CCDC150: variants seen among roughly 807,000 people sequenced by gnomAD.
CCDC150 encodes coiled-coil domain-containing protein 150.
In CCDC150, 151 loss-of-function variants were observed where a neutral mutation model predicts 156.5. That is an observed-to-expected ratio of 0.97 (90% CI 0.85 to 1.10). CCDC150 has a LOEUF of 1.10. Among genes scored for constraint, CCDC150 ranks in the 50% least tolerant of loss-of-function variants. CCDC150 has a pLI of 0.00. For synonymous variants in CCDC150, 452 were observed against 429.4 expected (o/e 1.05, Z -0.65); for missense variants, 1,312 against 1,268.1 (o/e 1.03, Z -0.53).
At chr2:196,691,998 T>C (rs1695509984) in intron 13 of CCDC150, among the ~76,000 whole-genome samples, 1 of 152,188 alleles carries the variant, frequency 6.6e-6, no homozygotes, top group Non-Finnish European at 1.5e-5. Flanking sequence ...TTTTTGTGTC[T>C]CTATCTCCTT....
chr2:196,658,045 G>C (rs1222997477), intron 4 of CCDC150, among the ~76,000 whole-genome samples: 1 of 152,174 alleles, frequency 6.6e-6, no homozygotes, highest in Admixed American at 6.5e-5. Flanking sequence ...AGTTGGGGTT[G>C]ATCCTGTGGG....
rs760033728 is a variant in CCDC150, at chr2:196,730,119, G to T, written c.2982+1G>T. ...GCAGGAGCTAGAGAATCGGTGCCAG[G>T]TAAAAGGTTTCCTAAGATTCATCTT... On this transcript the variant is annotated splice_donor_variant, in intron 25 of 27. Transcript: ENST00000389175. LOFTEE classifies it high-confidence loss of function. 6 of 1,594,164 alleles carry T rather than the reference G, an allele frequency of 3.8e-6. No homozygotes were observed. The highest frequency in any genetic ancestry group is 1.4e-5 in the African/African-American group (1 of 73,962).
At chr2:196,657,572 T>A in intron 4 of CCDC150, 1 of 171,796 alleles carries the variant, frequency 5.8e-6, no homozygotes, top group Non-Finnish European at 1.3e-5. Flanking sequence ...GTGAGGATGC[T>A]CTATCTAGAA....
chr2:196,702,388 T>C (rs1255442675), intron 15 of CCDC150, among the ~76,000 whole-genome samples: 1 of 130,528 alleles, frequency 7.7e-6, no homozygotes, highest in Non-Finnish European at 1.7e-5. Context: ...AGATGAGGTC[T>C]CACTCTCTCA....
In CCDC150 at chr2:196,729,853, T is replaced by C. The variant is rs1395245506; in HGVS notation, c.2812T>C (p.Tyr938His). The change falls in exon 24 of 28, where the codon TAT (tyrosine) becomes CAT (histidine). Residue 938 changes from tyrosine to histidine, a missense_variant. Transcript: ENST00000389175. ...LIKDQYQKKN[Y>H]EQSLSIQRFV... is the part of the protein sequence containing the mutation. ...TAAGGATCAATATCAGAAAAAGAAC[T>C]ATGAACAGGTAGATGATTTCCATAT... 2 of 1,601,872 alleles carry C rather than the reference T, an allele frequency of 1.2e-6. No homozygotes were observed. The highest frequency in any genetic ancestry group is 2.2e-5 in the East Asian group (1 of 44,822).
intron 9 of CCDC150, among the ~76,000 whole-genome samples, 169 bp downstream of exon 9, chr2:196,672,606 G>T (rs982051547): frequency 6.6e-6 from 1 of 151,820 alleles, no homozygotes; most frequent in Non-Finnish European, 1.5e-5. Context: ...AATTAACTAC[G>T]TTTCTCATTT....
At chr2:196,664,128 C>A (rs1693710332) in intron 5 of CCDC150, among the ~76,000 whole-genome samples, 1 of 152,124 alleles carries the variant, frequency 6.6e-6, no homozygotes, top group African/African-American at 2.4e-5. Flanking sequence ...ACATACCTCG[C>A]AGCAGAACAC....
In CCDC150 at chr2:196,729,386, A is replaced by T. The variant is rs1349171460; in HGVS notation, c.2750A>T (p.Lys917Met). The part of the protein sequence containing the change: ...ANNAQNIERM[K>M]QIEKELKQME... ...AATGCTCAGAATATAGAAAGGATGA[A>T]GGTTGTATGGGAAACCTCTTCTCAC... is the stretch of plus-strand genomic sequence containing the variant. Residue 917 changes from lysine to methionine, a missense_variant and splice_region_variant, in exon 23 of 28, where the codon AAG (lysine) becomes ATG (methionine). Transcript: ENST00000389175. 1.2e-6 allele frequency: 2 copies of T among 1,613,688 alleles called. No homozygotes were observed. The highest frequency in any genetic ancestry group is 2.2e-5 in the South Asian group (2 of 91,044).
At chr2:196,729,127 C>T in intron 22 of CCDC150, 66 bp from the exon 23 acceptor site, 1 of 1,376,460 alleles carries the variant, frequency 7.3e-7, no homozygotes, top group Non-Finnish European at 9.8e-7. Flanking sequence ...AATATAAGGA[C>T]AAAACTAAGT....
chr2:196,732,562 A>G lies in CCDC150; in HGVS notation c.3306A>G (p.Ter1102TrpextTer3). The G allele has an allele frequency of 1.3e-6, 2 of 1,595,446 alleles. No individual in the cohort carries two copies. The highest frequency in any genetic ancestry group is 2.2e-5 in the South Asian group (2 of 90,744). The change falls in exon 28 of 28, where the codon TGA becomes TGG. Residue 1102 changes from the stop codon to tryptophan, a stop_lost. Coordinates refer to ENST00000389175, the MANE Select transcript of CCDC150 (RefSeq NM_001080539.2). ...ATCATTCTGAGGTACAGAGGAAGTG[A>G]TGTCCTTGACAAGGGAGCTTCTTTA... Reference protein sequence around the residue: ...KKYHSEVQRK* With the variant: ...KKYHSEVQRKW
At chr2:196,654,778 C>A (rs1251729718) in intron 2 of CCDC150, among the ~76,000 whole-genome samples, 1 of 152,070 alleles carries the variant, frequency 6.6e-6, no homozygotes, top group African/African-American at 2.4e-5. Context: ...ACATATTTTC[C>A]TATTTCTTCA....
At chr2:196,718,699 A>C in intron 18 of CCDC150, 68 bp downstream of exon 18, 1 of 1,539,530 alleles carries the variant, frequency 6.5e-7, no homozygotes. Flanking sequence ...TTCATGAGCC[A>C]TATGTTTCGC....
intron 4 of CCDC150, 41 bp from the exon 5 acceptor site, chr2:196,658,751 C>A: frequency 1.4e-6 from 2 of 1,452,960 alleles, no homozygotes; most frequent in Non-Finnish European, 1.9e-6. Context: ...TTCTTCCTGT[C>A]ATTTCAGATT....
In CCDC150 at chr2:196,676,613, G is replaced by C. The variant is rs368981150; in HGVS notation, c.1322G>C (p.Arg441Thr). ...CAGAAAGCACAGGATGCTGAAAAGA[G>C]AACAGCTGTGCAAAAAGAGCTGCTA... ...CIQKAQDAEK[R>T]TAVQKELLES... The change falls in exon 12 of 28, where the codon AGA becomes ACA. Residue 441 changes from arginine to threonine, a missense_variant. Physicochemically the swap from Arg to Thr is moderately conservative, Grantham distance 71. Coordinates refer to ENST00000389175, the MANE Select transcript of CCDC150 (RefSeq NM_001080539.2). 14 of 1,613,588 alleles carry C rather than the reference G, an allele frequency of 8.7e-6. No individual in the cohort carries two copies. In the African/African-American group the frequency reaches 1.6e-4, roughly 18 times the overall value.
Position 196,646,395 on chromosome 2 carries a change from G to A in CCDC150, c.67G>A (p.Ala23Thr), listed in dbSNP as rs775760234. Residue 23 changes from alanine to threonine, a missense_variant, in exon 2 of 28, where the codon GCT becomes ACT. Ala to Thr is a moderately conservative substitution (Grantham distance 58). Transcript: ENST00000389175. ...GGTCCTTTCTCCAACCCACATCAAC[G>A]CTACAGCTTCTGAAACATTCACAGT... The part of the protein sequence containing the change: ...RPVLSPTHIN[A>T]TASETFTVLQ... 1.2e-5 allele frequency: 20 copies of A among 1,613,774 alleles called. No individual in the cohort carries two copies. Among genetic ancestry groups the A allele is most frequent in the East Asian group, 2.2e-5 (1 of 44,880 alleles).
chr2:196,701,077 A>G, intron 14 of CCDC150, 32 bp from the exon 15 acceptor site: 2 of 1,449,788 alleles, frequency 1.4e-6, no homozygotes, highest in Non-Finnish European at 1.9e-6. Context: ...TTCTATGCCT[A>G]GAGGTTCTGA....
intron 15 of CCDC150, among the ~76,000 whole-genome samples, chr2:196,711,779 T>G (rs111662992): frequency 2.0e-5 from 3 of 152,246 alleles, no homozygotes; most frequent in African/African-American, 7.2e-5. Context: ...TTATACACAT[T>G]CAAAAGGGTT....
chr2:196,654,116 A>G (rs911299061), intron 2 of CCDC150, among the ~76,000 whole-genome samples: 3 of 152,054 alleles, frequency 2.0e-5, no homozygotes, highest in Non-Finnish European at 2.9e-5. Context: ...CATGACCCAA[A>G]CAGCTCCCAC....
chr2:196,665,143 A>G (rs977767511), intron 5 of CCDC150, among the ~76,000 whole-genome samples: 2 of 152,230 alleles, frequency 1.3e-5, no homozygotes, highest in African/African-American at 4.8e-5. Flanking sequence ...GTGTTTTTCA[A>G]ACTTTTTTTG....
Sources: gnomAD v4.1 joint callset for allele counts (sites outside exome capture counted in the v4.1 genomes callset) on GRCh38, gnomAD v4.1.1 for gene constraint, MANE v1.5 for transcripts, NCBI Gene and HGNC (gene_info 2026-07-23, HGNC 2026-07-21) for gene names.